CD99L2: variants seen among roughly 807,000 people sequenced by gnomAD.
The protein encoded by CD99L2 is CD99 antigen-like protein 2.
CD99L2 carries 24 observed loss-of-function variants against 27.3 expected under a neutral mutation model. That is an observed-to-expected ratio of 0.88 (90% confidence interval 0.64 to 1.24). The LOEUF is 1.24. Among genes scored for constraint, CD99L2 ranks in the 50% most tolerant of loss-of-function variants. The pLI is 0.00. For missense variants in CD99L2, 255 were observed against 221.6 expected, an observed-to-expected ratio of 1.15 and a Z score of -0.96; for synonymous variants, 97 against 87.9, an observed-to-expected ratio of 1.10 and a Z score of -0.58.
intron 2 of CD99L2, among the ~76,000 whole-genome samples, chrX:150,820,417 C>T (rs990498935): frequency 8.9e-6 from 1 of 111,744 alleles, no homozygotes; most frequent in Non-Finnish European, 1.9e-5. Context: ...TCTCTATGTG[C>T]TTTTTAATGA....
At chrX:150,898,412 G>T in intron 1 of CD99L2, 110 bp downstream of exon 1, 1 of 586,365 alleles carries the variant, frequency 1.7e-6, no homozygotes. Flanking sequence ...GCCGGTGGCA[G>T]CCACCGCAGG....
chrX:150,835,402 C>T (rs782309951), intron 1 of CD99L2, among the ~76,000 whole-genome samples: 4 of 111,380 alleles, frequency 3.6e-5, no homozygotes, highest in East Asian at 5.6e-4. Context: ...TGGTGGTGCA[C>T]GCCTGTAGTC....
intron 1 of CD99L2, among the ~76,000 whole-genome samples, chrX:150,845,309 G>C (rs1217287033): frequency 8.9e-6 from 1 of 111,868 alleles, no homozygotes; most frequent in Non-Finnish European, 1.9e-5. Context: ...AAAGGGCATG[G>C]GGTTTCTTTT....
chrX:150,777,490 A>C lies in CD99L2; in HGVS notation c.497-8T>G. Reference sequence around the variant, plus strand: ...TGCCGTACCGGCCATCACCTGAAGAAAAGACAAAAGCACTTAGTGCCAGCG... The same window carrying C: ...TGCCGTACCGGCCATCACCTGAAGACAAGACAAAAGCACTTAGTGCCAGCG... On this transcript the variant is annotated splice_polypyrimidine_tract_variant and splice_region_variant and intron_variant, in intron 7 of 10. Transcript: ENST00000370377. The C allele has an allele frequency of 3.3e-6, 4 of 1,210,350 alleles. No individual in the cohort carries two copies. The highest frequency in any genetic ancestry group is 4.5e-6 in the Non-Finnish European group (4 of 895,070).
intron 4 of CD99L2, among the ~76,000 whole-genome samples, chrX:150,799,264 G>A (rs1557420018): frequency 9.1e-6 from 1 of 109,743 alleles, no homozygotes; most frequent in East Asian, 2.9e-4. Context: ...TTGGGAGGCT[G>A]AGGCAGGTGG....
Position 150,770,296 on chromosome X carries a change from G to A in CD99L2, c.721+8C>T, listed in dbSNP as rs1557418986. The A allele has an allele frequency of 1.7e-6, 2 of 1,208,506 alleles. No homozygotes were observed. Among genetic ancestry groups the A allele is most frequent in the South Asian group, 1.8e-5 (1 of 56,807 alleles). ...GTCAGCAAGGGACAGTGAGTACAAAGTTCTCACCTTGGGGTTCCTCACATA... is the reference window on the plus strand; with the variant it reads ...GTCAGCAAGGGACAGTGAGTACAAAATTCTCACCTTGGGGTTCCTCACATA... On this transcript the variant is annotated splice_region_variant and intron_variant, in intron 10 of 10. Coordinates refer to ENST00000370377, the MANE Select transcript of CD99L2 (RefSeq NM_031462.4).
chrX:150,802,558 T>C (rs1173038797), intron 4 of CD99L2, among the ~76,000 whole-genome samples: 1 of 99,230 alleles, frequency 1.0e-5, no homozygotes, highest in African/African-American at 3.6e-5. Context: ...AGAGCGAGAC[T>C]CAGGCTCAAA....
intron 9 of CD99L2, among the ~76,000 whole-genome samples, chrX:150,770,797 G>A (rs1191009579): frequency 8.9e-6 from 1 of 112,361 alleles, no homozygotes; most frequent in Non-Finnish European, 1.9e-5. Context: ...AGGGGCGGAT[G>A]GCTGAGTGGG....
At chrX:150,779,618 G>A (rs963512412) in intron 7 of CD99L2, among the ~76,000 whole-genome samples, 14 of 112,283 alleles carry the variant, frequency 1.2e-4, no homozygotes, top group Non-Finnish European at 2.1e-4. Context: ...GCTGAACCCC[G>A]TTACTTTACA....
intron 1 of CD99L2, among the ~76,000 whole-genome samples, chrX:150,883,325 ATTTTGACTTTGG>A (rs2047360902): frequency 8.9e-6 from 1 of 112,163 alleles, no homozygotes; most frequent in African/African-American, 3.2e-5. Flanking sequence ...ATCTGGACAA[ATTTTGACTTTGG>A]TTTTGACAAT....
intron 4 of CD99L2, among the ~76,000 whole-genome samples, chrX:150,802,957 G>A (rs1369360702): frequency 1.2e-5 from 1 of 83,909 alleles, no homozygotes; most frequent in Non-Finnish European, 2.2e-5. Context: ...GTGCAATAGC[G>A]AGATCTCAGC....
intron 2 of CD99L2, among the ~76,000 whole-genome samples, chrX:150,824,650 A>AGAAGAAGAAGAG (rs1437605968): frequency 5.3e-4 from 48 of 91,360 alleles, no homozygotes; most frequent in Admixed American, 7.6e-4. Context: ...GAGAAGAAGA[A>AGAAGAAGAAGAG]GAAGAAGAAG....
chrX:150,835,501 G>A (rs782344014), intron 1 of CD99L2, among the ~76,000 whole-genome samples: 2 of 111,732 alleles, frequency 1.8e-5, no homozygotes, highest in East Asian at 5.6e-4. Context: ...TAGCATGGGC[G>A]ACAGAGTGAG....
intron 1 of CD99L2, among the ~76,000 whole-genome samples, chrX:150,886,194 T>C (rs2047406521): frequency 8.9e-6 from 1 of 112,276 alleles, no homozygotes; most frequent in Admixed American, 9.5e-5. Context: ...GGCAGAAAAC[T>C]TTAGTGACTC....
chrX:150,779,184 CAT>C (rs1356675161), intron 7 of CD99L2, among the ~76,000 whole-genome samples: 1 of 112,108 alleles, frequency 8.9e-6, no homozygotes, highest in African/African-American at 3.3e-5. Flanking sequence ...TGAGAAGAAA[CAT>C]AAACAGGTCG....
chrX:150,830,289 G>A lies in CD99L2; in HGVS notation c.130+942C>T, dbSNP rs782787996. On this transcript the variant is annotated intron_variant, in intron 2 of 10. Coordinates refer to ENST00000370377, the MANE Select transcript of CD99L2 (RefSeq NM_031462.4). ...GCCATGACTAGGTGTGGTGGCTAAT[G>A]CTCATAATCTCAGTATTTTGGGAGG... Among the ~76,000 whole-genome samples the A allele has an allele frequency of 4.5e-5, 5 of 111,748 alleles. No homozygotes were observed. The East Asian group carries it at 1.4e-3, about 31-fold the overall frequency.
chrX:150,859,665 T>C (rs1557421849), intron 1 of CD99L2, among the ~76,000 whole-genome samples: 1 of 108,923 alleles, frequency 9.2e-6, no homozygotes, highest in Non-Finnish European at 1.9e-5. Context: ...GCCCAGCTAA[T>C]TTTTTGTATT....
rs782707330 is a variant in CD99L2, at chrX:150,861,767, G to A, written c.68-30474C>T. ...AAAAAATACAAAAAATTAGCTGGGC[G>A]TAGTGGCGGGCGCCTGTAATCTCAG... On this transcript the variant is annotated intron_variant, in intron 1 of 10. Coordinates refer to ENST00000370377, the MANE Select transcript of CD99L2 (RefSeq NM_031462.4). 8.2e-5 allele frequency among the ~76,000 whole-genome samples: 9 copies of A among 110,030 alleles called. No individual in the cohort carries two copies. The South Asian group carries it at 1.2e-3, about 15-fold the overall frequency.
intron 2 of CD99L2, among the ~76,000 whole-genome samples, chrX:150,819,563 GA>G (rs1254440833): frequency 2.7e-5 from 3 of 111,282 alleles, no homozygotes; most frequent in African/African-American, 9.8e-5. Flanking sequence ...GAAAAATAAA[GA>G]ACAAAAGAGG....
Sources: allele counts gnomAD v4.1 joint callset (sites outside exome capture counted in the v4.1 genomes callset), GRCh38; gene constraint gnomAD v4.1.1; transcripts MANE v1.5; gene names NCBI Gene and HGNC (gene_info 2026-07-23, HGNC 2026-07-21).